Variants in WNT5A observed in about 807,000 individuals in gnomAD.
The protein encoded by WNT5A is Wnt family member 5A, also known as protein Wnt-5a.
A neutral mutation model predicts 42.1 loss-of-function variants in WNT5A; 9 were observed. That is an observed-to-expected ratio of 0.21 (90% CI 0.13 to 0.37). The LOEUF is 0.37. Among genes scored for constraint, WNT5A ranks in the 10% least tolerant of loss-of-function variants. The pLI is 1.00. For missense variants in WNT5A, 426 were observed against 534.0 expected, an observed-to-expected ratio of 0.80 and a Z score of 1.99; for synonymous variants, 210 against 210.0, an observed-to-expected ratio of 1.00 and a Z score of 0.00.
At chr3:55,489,825 A>G (rs1026137359), upstream of WNT5A, 4 of 152,372 alleles carry the variant, frequency 2.6e-5, no homozygotes, top group Admixed American at 1.3e-4. Flanking sequence ...ATCTAACCTG[A>G]GATCTGCCCA....
At chr3:55,475,801 G>T (rs544335435) in intron 3 of WNT5A, among the ~76,000 whole-genome samples, 1 of 152,238 alleles carries the variant, frequency 6.6e-6, no homozygotes, top group South Asian at 2.1e-4. Context: ...AAAACTGGAG[G>T]CTATCATAGA....
At chr3:55,499,051 T>C in the WNT5A span, among the ~76,000 whole-genome samples, 2 of 152,250 alleles carry the variant, frequency 1.3e-5, no homozygotes, top group East Asian at 3.8e-4. Flanking sequence ...TCAAGGTTTA[T>C]CCCTTGCAGT....
At chr3:55,503,327 A>G in the WNT5A span, among the ~76,000 whole-genome samples, 63 of 152,162 alleles carry the variant, frequency 4.1e-4, 1 homozygote, top group African/African-American at 1.5e-3. Context: ...TTCAGGATCT[A>G]TTATGTGGTT....
At chr3:55,477,386 A>G (rs147934008) in intron 3 of WNT5A, among the ~76,000 whole-genome samples, 18 of 152,274 alleles carry the variant, frequency 1.2e-4, no homozygotes, top group Non-Finnish European at 2.2e-4. Flanking sequence ...AGCAGCTTTC[A>G]GCTCTGAGAC....
At chr3:55,470,806 A>C (rs1408278098) in intron 4 of WNT5A, among the ~76,000 whole-genome samples, 1 of 152,224 alleles carries the variant, frequency 6.6e-6, no homozygotes, top group Non-Finnish European at 1.5e-5. Context: ...ACAGGAAAAA[A>C]AAATTGTTCC....
At chr3:55,475,351 C>A (rs1367838114) in intron 3 of WNT5A, among the ~76,000 whole-genome samples, 1 of 152,194 alleles carries the variant, frequency 6.6e-6, no homozygotes, top group African/African-American at 2.4e-5. Flanking sequence ...CCAGCGGCCA[C>A]ACTAGTTTCT....
At chr3:55,480,651 A>T (rs1559556973) in intron 2 of WNT5A, 134 bp downstream of exon 2, 2 of 937,604 alleles carry the variant, frequency 2.1e-6, no homozygotes, top group Non-Finnish European at 2.9e-6. Flanking sequence ...ACTATATATA[A>T]GTAAAATGTA....
At chr3:55,484,763 G>A (rs1435285620) in intron 1 of WNT5A, among the ~76,000 whole-genome samples, 1 of 151,214 alleles carries the variant, frequency 6.6e-6, no homozygotes, top group African/African-American at 2.4e-5. Context: ...AGGATGTCTA[G>A]CCCTCTCGGC....
At chr3:55,486,474 G>C (rs1307162515) in intron 1 of WNT5A, among the ~76,000 whole-genome samples, 1 of 152,242 alleles carries the variant, frequency 6.6e-6, no homozygotes, top group Admixed American at 6.5e-5. Flanking sequence ...TGTCGGGGAA[G>C]GTGTACGCCG....
upstream of WNT5A, chr3:55,493,809 C>T (rs1057191410): frequency 5.3e-5 from 8 of 152,246 alleles, no homozygotes; most frequent in Non-Finnish European, 8.8e-5. Context: ...TATGTGTCCC[C>T]ACTTTTTCCC....
At chr3:55,479,935 C>A (rs1166467526) in intron 2 of WNT5A, among the ~76,000 whole-genome samples, 7 of 152,102 alleles carry the variant, frequency 4.6e-5, no homozygotes. Context: ...CAAATTGGAC[C>A]AATCTGCCTT....
At chr3:55,496,982 G>A in the WNT5A span, among the ~76,000 whole-genome samples, 10 of 152,136 alleles carry the variant, frequency 6.6e-5, no homozygotes, top group South Asian at 4.1e-4. Context: ...AGATATTTAC[G>A]GGTCACCTAC....
At chr3:55,502,294 A>C in the WNT5A span, among the ~76,000 whole-genome samples, 1 of 152,226 alleles carries the variant, frequency 6.6e-6, no homozygotes, top group Admixed American at 6.5e-5. Context: ...CCTTTCAGAA[A>C]ACACCAACTG....
At chr3:55,504,165 G>A in the WNT5A span, among the ~76,000 whole-genome samples, 6 of 151,770 alleles carry the variant, frequency 4.0e-5, no homozygotes, top group East Asian at 1.9e-4. Context: ...TCAGCTACTC[G>A]GGTGGCTGAG....
chr3:55,473,532 G>A (rs1373845551), intron 4 of WNT5A, among the ~76,000 whole-genome samples: 4 of 152,188 alleles, frequency 2.6e-5, no homozygotes, highest in Non-Finnish European at 5.9e-5. Context: ...AGGAAAGAGC[G>A]GGAACCAGGA....
Position 55,466,481 on chromosome 3 carries a change from C to T in WNT5A, c.*3611G>A, listed in dbSNP as rs941508356. On this transcript the variant is annotated 3_prime_UTR_variant, in exon 5 of 5. Coordinates refer to ENST00000264634, the MANE Select transcript of WNT5A (RefSeq NM_003392.7). ...GAAACTTGGTATTGGCAAAATTGTACGAGAAAAGAGCTAGGGTAGGCAACT... is the reference window on the plus strand; with the variant it reads ...GAAACTTGGTATTGGCAAAATTGTATGAGAAAAGAGCTAGGGTAGGCAACT... 2.0e-5 allele frequency: 3 copies of T among 152,138 alleles called. No individual in the cohort carries two copies. The highest frequency in any genetic ancestry group is 2.9e-5 in the Non-Finnish European group (2 of 67,988). The allele number at this position is 152,138 out of a possible 1,614,324, so 9.4% of individuals were successfully genotyped here. A position where few individuals can be genotyped will look rare whatever the true frequency, so the allele number is the denominator to read the frequency against.
At chr3:55,486,292 G>C (rs762569746) in intron 1 of WNT5A, among the ~76,000 whole-genome samples, 1 of 152,192 alleles carries the variant, frequency 6.6e-6, no homozygotes, top group Non-Finnish European at 1.5e-5. Context: ...CTGCTGCAAA[G>C]TGCCTGAGCT....
rs2106955453 is a variant in WNT5A at position 55,480,886 on chromosome 3, A to G, written c.39T>C (p.Ala13=). 2.5e-6 allele frequency: 4 copies of G among 1,589,274 alleles called. No individual in the cohort carries two copies. The highest frequency in any genetic ancestry group is 4.5e-5 in the East Asian group (2 of 44,506). The change falls in exon 2 of 5, where the codon GCT becomes GCC. Residue 13 remains alanine, a synonymous_variant. Coordinates refer to ENST00000264634, the MANE Select transcript of WNT5A (RefSeq NM_003392.7). ...ACATTGCACTTCCAGCCATCCCCAA[A>G]GCAACTCCTGGGCTTAATATTCCAA... is the stretch of plus-strand genomic sequence containing the variant. ...KSIGILSPGV[A]LGMAGSAMSS...
chr3:55,475,502 G>C (rs933279115), intron 3 of WNT5A, among the ~76,000 whole-genome samples: 2 of 152,158 alleles, frequency 1.3e-5, no homozygotes, highest in South Asian at 2.1e-4. Flanking sequence ...AGCTCATAGA[G>C]AGTTATAAAT....
Sources: allele counts gnomAD v4.1 joint callset (sites outside exome capture counted in the v4.1 genomes callset), GRCh38; gene constraint gnomAD v4.1.1; transcripts MANE v1.5; gene names NCBI Gene and HGNC (gene_info 2026-07-23, HGNC 2026-07-21).